Variants in RABGAP1L observed in about 807,000 individuals in gnomAD.
RABGAP1L encodes the protein rab GTPase-activating protein 1-like.
A neutral mutation model predicts 137.7 loss-of-function variants in RABGAP1L; 63 were observed. The observed-to-expected ratio is 0.46, with a 90% CI of 0.37 to 0.56. RABGAP1L has a LOEUF of 0.56. RABGAP1L is among the 20% of genes least tolerant of loss of function. The pLI is 0.00. For synonymous variants in RABGAP1L, 431 were observed against 433.7 expected, an observed-to-expected ratio of 0.99 and a Z score of 0.08; for missense variants, 1,095 against 1,244.0, an observed-to-expected ratio of 0.88 and a Z score of 1.80.
chr1:174,876,111 T>C (rs1653072659), intron 19 of RABGAP1L, among the ~76,000 whole-genome samples: 1 of 152,190 alleles, frequency 6.6e-6, no homozygotes, highest in Non-Finnish European at 1.5e-5. Context: ...GTAATCATGT[T>C]AATGTAGATG....
chr1:174,816,581 G>A (rs1344092652), intron 19 of RABGAP1L, among the ~76,000 whole-genome samples: 1 of 152,066 alleles, frequency 6.6e-6, no homozygotes, highest in Non-Finnish European at 1.5e-5. Flanking sequence ...TACCATTCCT[G>A]TTGGTCAGAA....
chr1:174,347,783 A>T (rs1355471045), intron 11 of RABGAP1L, among the ~76,000 whole-genome samples: 11 of 152,108 alleles, frequency 7.2e-5, no homozygotes. Flanking sequence ...CGTGAGCCAT[A>T]CAGTTTTTCT....
At chr1:174,800,582 T>C in intron 18 of RABGAP1L, 1 of 1,488,066 alleles carries the variant, frequency 6.7e-7, no homozygotes, top group Non-Finnish European at 9.0e-7. Context: ...GAAAGAGGCT[T>C]GTTGTCTCTG....
chr1:174,675,862 A>G (rs1677583455), intron 14 of RABGAP1L, among the ~76,000 whole-genome samples: 1 of 152,140 alleles, frequency 6.6e-6, no homozygotes, highest in Non-Finnish European at 1.5e-5. Flanking sequence ...AAAGAAGCAT[A>G]TTGTCATTAT....
chr1:174,737,668 A>G (rs929179497), intron 17 of RABGAP1L, among the ~76,000 whole-genome samples: 13 of 152,108 alleles, frequency 8.5e-5, no homozygotes, highest in African/African-American at 3.1e-4. Flanking sequence ...ATTTTTGCAC[A>G]TCTGTAAAGA....
intron 19 of RABGAP1L, chr1:174,945,836 T>C (rs1666645011): frequency 6.6e-6 from 1 of 152,256 alleles, no homozygotes; most frequent in Non-Finnish European, 1.5e-5. Context: ...TAAGGTGATC[T>C]GCTTTAAGCT....
intron 18 of RABGAP1L, among the ~76,000 whole-genome samples, chr1:174,793,967 G>A (rs980148182): frequency 1.9e-4 from 29 of 152,138 alleles, no homozygotes; most frequent in African/African-American, 7.0e-4. Flanking sequence ...AAAGTGCTGC[G>A]ATTACAGGTG....
chr1:174,900,595 C>T (rs763371002), intron 19 of RABGAP1L, among the ~76,000 whole-genome samples: 2 of 152,134 alleles, frequency 1.3e-5, no homozygotes, highest in Non-Finnish European at 2.9e-5. Flanking sequence ...TAGTGTGGAT[C>T]GGGCTTGTGT....
At chr1:174,929,366 T>A (rs1663350253) in intron 19 of RABGAP1L, among the ~76,000 whole-genome samples, 1 of 152,196 alleles carries the variant, frequency 6.6e-6, no homozygotes, top group South Asian at 2.1e-4. Flanking sequence ...TCTTCCTCAC[T>A]TTCAACTGTC....
intron 1 of RABGAP1L, among the ~76,000 whole-genome samples, chr1:174,186,906 T>C (rs971424129): frequency 9.2e-5 from 14 of 152,206 alleles, no homozygotes; most frequent in African/African-American, 3.1e-4. Flanking sequence ...AATGCTTCAT[T>C]GTAGATTTTT....
At chr1:174,632,496 T>G (rs1169674496) in intron 13 of RABGAP1L, among the ~76,000 whole-genome samples, 1 of 150,566 alleles carries the variant, frequency 6.6e-6, no homozygotes, top group African/African-American at 2.5e-5. Flanking sequence ...GTTTTCCAAC[T>G]TGGTTCCATT....
intron 18 of RABGAP1L, among the ~76,000 whole-genome samples, chr1:174,784,642 G>T (rs1463771272): frequency 6.6e-6 from 1 of 152,202 alleles, no homozygotes; most frequent in Non-Finnish European, 1.5e-5. Flanking sequence ...GGCCTGAGGG[G>T]CATGTCAGGA....
intron 19 of RABGAP1L, among the ~76,000 whole-genome samples, chr1:174,817,639 A>T (rs1690577356): frequency 6.6e-6 from 1 of 152,148 alleles, no homozygotes; most frequent in Non-Finnish European, 1.5e-5. Context: ...GGGGAGTGAT[A>T]AGCACTGAAG....
At chr1:174,924,344 G>A (rs542852538) in intron 19 of RABGAP1L, among the ~76,000 whole-genome samples, 1 of 124,274 alleles carries the variant, frequency 8.0e-6, no homozygotes, top group South Asian at 2.6e-4. Flanking sequence ...CCGAGATTGC[G>A]CCACTGCACT....
intron 13 of RABGAP1L, among the ~76,000 whole-genome samples, chr1:174,425,763 G>A (rs988665250): frequency 1.3e-5 from 2 of 151,960 alleles, no homozygotes; most frequent in Non-Finnish European, 2.9e-5. Context: ...CTCTGTTCAT[G>A]TTGGTTAAAA....
At chr1:174,446,264 G>A (rs1654753663) in intron 13 of RABGAP1L, among the ~76,000 whole-genome samples, 1 of 152,174 alleles carries the variant, frequency 6.6e-6, no homozygotes, top group Admixed American at 6.5e-5. Context: ...CCTTATTCCT[G>A]TAACAAGAGA....
intron 19 of RABGAP1L, among the ~76,000 whole-genome samples, chr1:174,875,231 A>C (rs1376833701): frequency 6.6e-6 from 1 of 152,244 alleles, no homozygotes; most frequent in Non-Finnish European, 1.5e-5. Context: ...TTTTCTAAAA[A>C]TGTTTTTGCA....
chr1:174,613,886 C>CT (rs1014866742), intron 13 of RABGAP1L, among the ~76,000 whole-genome samples: 3 of 151,944 alleles, frequency 2.0e-5, no homozygotes, highest in Admixed American at 6.6e-5. Context: ...CAACCCCTGC[C>CT]TTTTTTTGTT....
At chr1:174,720,246 G>C (rs1024159079) in intron 17 of RABGAP1L, among the ~76,000 whole-genome samples, 9 of 136,364 alleles carry the variant, frequency 6.6e-5, no homozygotes, top group African/African-American at 2.3e-4. Flanking sequence ...TAGCTAGCTA[G>C]ATGTAGATAG....
Sources: allele counts gnomAD v4.1 joint callset (sites outside exome capture counted in the v4.1 genomes callset), GRCh38; gene constraint gnomAD v4.1.1; transcripts MANE v1.5; gene names NCBI Gene and HGNC (gene_info 2026-07-23, HGNC 2026-07-21).